Variants in TLK1 observed in about 807,000 individuals in gnomAD.
The protein encoded by TLK1 is tousled like kinase 1.
Under a neutral mutation model 105.3 loss-of-function variants are expected in TLK1, and 24 were observed. The observed-to-expected ratio is 0.23, with a 90% CI of 0.17 to 0.32. The LOEUF (loss-of-function observed/expected upper bound fraction) is 0.32. Among genes scored for constraint, TLK1 ranks in the 10% least tolerant of loss-of-function variants. The pLI is 1.00. For synonymous variants in TLK1, 321 were observed against 310.4 expected (o/e 1.03, Z -0.36); for missense variants, 558 against 910.5 (o/e 0.61, Z 4.98).
intron 1 of TLK1, among the ~76,000 whole-genome samples, chr2:171,214,907 C>G (rs1231516123): frequency 6.6e-6 from 1 of 152,086 alleles, no homozygotes; most frequent in Admixed American, 6.6e-5. Context: ...GCAACTGAAG[C>G]CTGACTCCGC....
intron 1 of TLK1, among the ~76,000 whole-genome samples, chr2:171,129,837 T>TAACATAAC (rs992549330): frequency 3.5e-5 from 5 of 142,056 alleles, no homozygotes; most frequent in Non-Finnish European, 6.1e-5. Context: ...CCAAATAACA[T>TAACATAAC]AACATAACAT....
At chr2:170,997,109 A>G (rs1684102498) in intron 19 of TLK1, among the ~76,000 whole-genome samples, 1 of 152,248 alleles carries the variant, frequency 6.6e-6, no homozygotes, top group African/African-American at 2.4e-5. Flanking sequence ...GTCTATGACA[A>G]TTTCCAAAGA....
At chr2:171,129,501 T>A (rs370366976) in intron 1 of TLK1, among the ~76,000 whole-genome samples, 1 of 152,138 alleles carries the variant, frequency 6.6e-6, no homozygotes, top group African/African-American at 2.4e-5. Flanking sequence ...AAGTCCAAGT[T>A]GAATACGATC....
intron 3 of TLK1, among the ~76,000 whole-genome samples, chr2:171,066,636 G>A (rs35332006): frequency 0.21 from 31,489 of 152,014 alleles, 3,875 homozygotes; most frequent in Non-Finnish European, 0.28. Context: ...CTATCACTTG[G>A]ACCCACTGCA....
At chr2:171,187,707 ATT>A (rs947315471) in intron 1 of TLK1, among the ~76,000 whole-genome samples, 4 of 152,158 alleles carry the variant, frequency 2.6e-5, no homozygotes, top group Non-Finnish European at 5.9e-5. Context: ...GTTTTAAAAT[ATT>A]GTTTATTGTC....
chr2:171,090,345 A>C (rs1280581711), intron 2 of TLK1, among the ~76,000 whole-genome samples: 4 of 139,526 alleles, frequency 2.9e-5, no homozygotes, highest in Non-Finnish European at 6.2e-5. Context: ...CAATGACCTT[A>C]ACTAATTTAC....
chr2:171,158,586 T>C (rs1354769852), intron 1 of TLK1, among the ~76,000 whole-genome samples: 1 of 152,156 alleles, frequency 6.6e-6, no homozygotes, highest in African/African-American at 2.4e-5. Context: ...TCAATAAATA[T>C]TCGAGAAACG....
At chr2:171,057,057 TC>T (rs926151512) in intron 5 of TLK1, among the ~76,000 whole-genome samples, 1 of 151,986 alleles carries the variant, frequency 6.6e-6, no homozygotes, top group Non-Finnish European at 1.5e-5. Context: ...TTATAATAGG[TC>T]CCTTCCCTCT....
In TLK1 at chr2:171,166,998, A is replaced by T. The variant is rs112460599; in HGVS notation, c.-5-49141T>A. 6.8e-3 allele frequency among the ~76,000 whole-genome samples: 1,039 copies of T among 152,312 alleles called. 8 individuals carry two copies. The highest frequency in any genetic ancestry group is 0.024 in the African/African-American group (1,004 of 41,558). On this transcript the variant is annotated intron_variant, in intron 1 of 20. Coordinates refer to the TLK1 transcript ENST00000521943. ...ATTCAAAATCATTCAAAACTAAATCATATATTGTTCAGGAATACATTAAAC... is the reference window on the plus strand; with the variant it reads ...ATTCAAAATCATTCAAAACTAAATCTTATATTGTTCAGGAATACATTAAAC...
intron 1 of TLK1, among the ~76,000 whole-genome samples, chr2:171,212,461 T>C (rs1693635716): frequency 6.6e-6 from 1 of 152,112 alleles, no homozygotes; most frequent in South Asian, 2.1e-4. Flanking sequence ...CCTGGGTAAA[T>C]AAACATGTTC....
intron 1 of TLK1, among the ~76,000 whole-genome samples, chr2:171,210,481 C>T (rs1693593228): frequency 6.6e-6 from 1 of 152,058 alleles, no homozygotes; most frequent in Non-Finnish European, 1.5e-5. Flanking sequence ...AAGACCACAT[C>T]TAGGCAAGTA....
At chr2:171,189,862 A>G (rs1335399449) in intron 1 of TLK1, among the ~76,000 whole-genome samples, 1 of 152,128 alleles carries the variant, frequency 6.6e-6, no homozygotes, top group Non-Finnish European at 1.5e-5. Context: ...AAGAAAATCA[A>G]AAGGTCAGAA....
At chr2:171,171,061 TA>T (rs150664409) in intron 1 of TLK1, among the ~76,000 whole-genome samples, 5,584 of 152,266 alleles carry the variant, frequency 0.037, 339 homozygotes, top group African/African-American at 0.13. Context: ...ATAAAGCTCT[TA>T]AAAAATCTAA....
intron 2 of TLK1, among the ~76,000 whole-genome samples, chr2:171,110,218 C>T (rs1166223728): frequency 1.3e-5 from 2 of 152,200 alleles, no homozygotes; most frequent in African/African-American, 4.8e-5. Context: ...GCCTGTAATG[C>T]CAGCACTTTG....
At chr2:171,098,571 T>A (rs775394878) in intron 2 of TLK1, among the ~76,000 whole-genome samples, 1 of 152,182 alleles carries the variant, frequency 6.6e-6, no homozygotes, top group Non-Finnish European at 1.5e-5. Flanking sequence ...GAACTAATAC[T>A]AATTCTTCAC....
intron 3 of TLK1, among the ~76,000 whole-genome samples, chr2:171,079,960 T>C (rs1240503610): frequency 6.6e-6 from 1 of 152,120 alleles, no homozygotes; most frequent in African/African-American, 2.4e-5. Flanking sequence ...ATATTAATTA[T>C]ATTAAAATAT....
intron 3 of TLK1, among the ~76,000 whole-genome samples, chr2:171,066,647 T>C (rs952354675): frequency 4.6e-5 from 7 of 152,254 alleles, no homozygotes; most frequent in African/African-American, 1.7e-4. Flanking sequence ...ACCCACTGCA[T>C]TCACACATGT....
At chr2:171,029,044 T>G (rs1468729385) in intron 11 of TLK1, among the ~76,000 whole-genome samples, 1 of 152,036 alleles carries the variant, frequency 6.6e-6, no homozygotes, top group Non-Finnish European at 1.5e-5. Flanking sequence ...AAGATGAAAA[T>G]AGTCTTGGCA....
At chr2:170,997,858 C>A (rs755873913) in intron 18 of TLK1, 35 bp from the exon 19 acceptor site, 1 of 1,280,658 alleles carries the variant, frequency 7.8e-7, no homozygotes, top group Non-Finnish European at 1.1e-6. Context: ...AAGGTTACTA[C>A]TGACAATCTG....
Sources: gnomAD v4.1 joint callset for allele counts (sites outside exome capture counted in the v4.1 genomes callset) on GRCh38, gnomAD v4.1.1 for gene constraint, MANE v1.5 for transcripts, NCBI Gene and HGNC (gene_info 2026-07-23, HGNC 2026-07-21) for gene names.